EPAS1: variants seen among roughly 807,000 people sequenced by gnomAD.
The protein encoded by EPAS1 is endothelial PAS domain-containing protein 1.
EPAS1 carries 23 observed loss-of-function variants against 87.9 expected under a neutral mutation model. The observed-to-expected ratio is 0.26, with a 90% CI of 0.19 to 0.37. The LOEUF is 0.37. EPAS1 is among the 10% of genes least tolerant of loss of function. The pLI, the probability that EPAS1 is intolerant of heterozygous loss-of-function variation, is 1.00. For missense variants in EPAS1, 1,138 were observed against 1,120.7 expected, an observed-to-expected ratio of 1.02 and a Z score of -0.22; for synonymous variants, 508 against 444.3, an observed-to-expected ratio of 1.14 and a Z score of -1.80.
intron 6 of EPAS1, among the ~76,000 whole-genome samples, chr2:46,365,360 CAT>C: frequency 6.6e-6 from 1 of 152,144 alleles, no homozygotes; most frequent in East Asian, 1.9e-4. Context: ...GAACATAGGA[CAT>C]ATTAATATCA....
intron 6 of EPAS1, among the ~76,000 whole-genome samples, chr2:46,364,524 A>G (rs1014583917): frequency 1.3e-5 from 2 of 152,270 alleles, no homozygotes; most frequent in Non-Finnish European, 2.9e-5. Context: ...CATCTGAAAT[A>G]GAATAAAGGA....
At chr2:46,335,017 A>G (rs1683759123) in intron 1 of EPAS1, among the ~76,000 whole-genome samples, 1 of 152,116 alleles carries the variant, frequency 6.6e-6, no homozygotes, top group Non-Finnish European at 1.5e-5. Flanking sequence ...CCCAGGACAG[A>G]TTCTCTACCA....
intron 1 of EPAS1, among the ~76,000 whole-genome samples, chr2:46,302,547 C>G (rs985393395): frequency 7.2e-5 from 11 of 152,048 alleles, no homozygotes; most frequent in Admixed American, 6.6e-4. Flanking sequence ...ACTTCCACCC[C>G]TCTCCCCACC....
chr2:46,318,646 T>G (rs919996911), intron 1 of EPAS1, among the ~76,000 whole-genome samples: 2 of 152,240 alleles, frequency 1.3e-5, no homozygotes, highest in African/African-American at 4.8e-5. Context: ...ACCTCTTCTT[T>G]CCCGTAAGCT....
chr2:46,379,583 G>C (rs1302351416), intron 11 of EPAS1: 2 of 161,660 alleles, frequency 1.2e-5, no homozygotes, highest in Non-Finnish European at 2.7e-5. Context: ...CACCCACTGA[G>C]GGTGTCAGTC....
chr2:46,352,821 G>C (rs1328478212), intron 2 of EPAS1, among the ~76,000 whole-genome samples: 1 of 152,220 alleles, frequency 6.6e-6, no homozygotes, highest in African/African-American at 2.4e-5. Context: ...AAGACATTCT[G>C]TTACCCTTCG....
Position 46,382,367 on chromosome 2 carries a change from T to C in EPAS1, c.2288-58T>C, listed in dbSNP as rs112550288. 1,137 of 1,604,198 alleles carry C rather than the reference T, an allele frequency of 7.1e-4. 18 individuals carry two copies. In the African/African-American group the frequency reaches 0.013, roughly 18 times the overall value. ...AAAGGAAAGGGATGCTAGGGCTTCC[T>C]GGCCTCTCCCCTCCCTCAGGCCAAT... is the stretch of plus-strand genomic sequence containing the variant. On this transcript the variant is annotated intron_variant, in intron 14 of 15. Transcript: ENST00000263734.
Position 46,375,873 on chromosome 2 carries a change from G to A in EPAS1, c.1034+36G>A, listed in dbSNP as rs375755898. On this transcript the variant is annotated intron_variant, in intron 8 of 15. Transcript: ENST00000263734. This position sits in a 1 kb window ranked among gnomAD's most constrained non-coding sequence, Gnocchi z 4.1. ...GAGGGCTGGCGGGCCTTGGTGCAGG[G>A]TATGTGGGGGTGCCCAAGCTTCCCA... is the stretch of plus-strand genomic sequence containing the variant. The A allele has an allele frequency of 4.0e-5, 64 of 1,613,700 alleles. No homozygotes were observed. In the African/African-American group the frequency reaches 6.7e-4, roughly 17 times the overall value.
chr2:46,331,850 C>T (rs115488884), intron 1 of EPAS1, among the ~76,000 whole-genome samples: 3,847 of 152,316 alleles, frequency 0.025, 92 homozygotes, highest in Admixed American at 0.041. Context: ...TAATCAGACA[C>T]GGCGCTGCCT....
At chr2:46,377,520 G>A (rs1016123797) in intron 9 of EPAS1, among the ~76,000 whole-genome samples, 2 of 152,240 alleles carry the variant, frequency 1.3e-5, no homozygotes, top group Non-Finnish European at 2.9e-5. Flanking sequence ...CCCTTGGCCA[G>A]TAGGTCTCGC....
At chr2:46,310,057 C>T (rs991889566) in intron 1 of EPAS1, among the ~76,000 whole-genome samples, 1 of 152,208 alleles carries the variant, frequency 6.6e-6, no homozygotes, top group Non-Finnish European at 1.5e-5. Context: ...CCAAATCACT[C>T]TGATATATGT....
At chr2:46,366,411 T>C (rs1341501336) in intron 6 of EPAS1, among the ~76,000 whole-genome samples, 1 of 152,196 alleles carries the variant, frequency 6.6e-6, no homozygotes, top group African/African-American at 2.4e-5. Flanking sequence ...TTACTTGGGG[T>C]AACACCAACT....
intron 1 of EPAS1, among the ~76,000 whole-genome samples, chr2:46,299,024 G>T (rs1357444311): frequency 6.6e-6 from 1 of 152,258 alleles, no homozygotes; most frequent in Non-Finnish European, 1.5e-5. Context: ...TGAACCGCCT[G>T]AGCCGCGGGA....
At chr2:46,330,258 A>C (rs889437573) in intron 1 of EPAS1, among the ~76,000 whole-genome samples, 1 of 152,128 alleles carries the variant, frequency 6.6e-6, no homozygotes, top group Non-Finnish European at 1.5e-5. Flanking sequence ...ATCTGGGATA[A>C]AAGGCTTTAC....
Position 46,384,780 on chromosome 2 carries a change from C to G in EPAS1, c.*120C>G. ...GCACACTATTTACAAGATGGACTTA[C>G]CTGGCAGACTTGCCCAGGTCACCAA... On this transcript the variant is annotated 3_prime_UTR_variant, in exon 16 of 16. Coordinates refer to ENST00000263734, the MANE Select transcript of EPAS1 (RefSeq NM_001430.5). The G allele has an allele frequency of 2.2e-6, 3 of 1,367,642 alleles. No individual in the cohort carries two copies. In the South Asian group the frequency reaches 3.8e-5, roughly 17 times the overall value. 84.7% of individuals were successfully genotyped at this position (1,367,642 alleles called of 1,614,324 possible).
intron 1 of EPAS1, among the ~76,000 whole-genome samples, chr2:46,335,420 C>T (rs1421431301): frequency 7.8e-6 from 1 of 127,658 alleles, no homozygotes; most frequent in Non-Finnish European, 1.6e-5. Context: ...TTTTTCCATC[C>T]AGAATGTTTG....
chr2:46,326,447 G>A (rs183363022), intron 1 of EPAS1, among the ~76,000 whole-genome samples: 37 of 152,272 alleles, frequency 2.4e-4, no homozygotes, highest in East Asian at 7.7e-4. Context: ...AGCCTCCCAC[G>A]TGACTGTAAG....
chr2:46,332,086 A>G (rs1334431717), intron 1 of EPAS1, among the ~76,000 whole-genome samples: 2 of 152,202 alleles, frequency 1.3e-5, no homozygotes, highest in East Asian at 1.9e-4. Context: ...TGCCAGGGCA[A>G]TGAGCATCGC....
chr2:46,348,184 C>T lies in EPAS1; in HGVS notation c.217+1121C>T, dbSNP rs144441929. Among the ~76,000 whole-genome samples, 42 of 152,220 alleles carry T rather than the reference C, an allele frequency of 2.8e-4. No homozygotes were observed. The East Asian group carries it at 7.9e-3, about 29-fold the overall frequency. On this transcript the variant is annotated intron_variant, in intron 2 of 15. Transcript: ENST00000263734. ...AAAATAGGACGACAGCTCAGTGGGC[C>T]TGGGGTTGGAGGGCTAGGCCTAAAG...
Sources: gnomAD v4.1 joint callset for allele counts (sites outside exome capture counted in the v4.1 genomes callset) on GRCh38, gnomAD v4.1.1 for gene constraint, Gnocchi (gnomAD v3.1) non-coding constraint, MANE v1.5 for transcripts, NCBI Gene and HGNC (gene_info 2026-07-23, HGNC 2026-07-21) for gene names.